Variants in SLC24A2 observed in about 807,000 individuals in gnomAD.
The protein encoded by SLC24A2 is solute carrier family 24 member 2.
A neutral mutation model predicts 62.0 loss-of-function variants in SLC24A2; 36 were observed. The observed-to-expected ratio is 0.58, with a 90% CI of 0.44 to 0.77. The LOEUF (loss-of-function observed/expected upper bound fraction) is 0.77, where lower values mean the gene tolerates loss of function less well. Ranked by LOEUF, SLC24A2 falls within the 30% of genes least tolerant of loss-of-function variation. The probability of loss-of-function intolerance (pLI) is 0.00; values close to 1 mark genes in which losing one functional copy is unlikely to be tolerated. For synonymous variants in SLC24A2, 358 were observed against 294.0 expected, an observed-to-expected ratio of 1.22 and a Z score of -2.23; for missense variants, 846 against 817.9, an observed-to-expected ratio of 1.03 and a Z score of -0.42.
intron 2 of SLC24A2, among the ~76,000 whole-genome samples, chr9:19,671,530 T>C (rs1242834745): frequency 4.6e-5 from 7 of 152,142 alleles, no homozygotes; most frequent in African/African-American, 1.2e-4. Flanking sequence ...TCTTTACCAA[T>C]TTGGATGCCC....
the SLC24A2 span, among the ~76,000 whole-genome samples, chr9:19,819,774 G>A: frequency 0.022 from 3,407 of 151,780 alleles, 137 homozygotes; most frequent in African/African-American, 0.078. Context: ...AACTAGTGCA[G>A]CCACTATGGA....
chr9:19,724,680 T>C lies in SLC24A2; in HGVS notation c.930+61257A>G, dbSNP rs1049825656. Among the ~76,000 whole-genome samples the C allele has an allele frequency of 2.6e-5, 4 of 152,206 alleles. No homozygotes were observed. In the South Asian group the frequency reaches 6.2e-4, roughly 24 times the overall value. Reference sequence around the variant, plus strand: ...CCAATCTAATTACCTCCAGTTGCTTTTAATTCCAATATACCCACATTATGA... The same window carrying C: ...CCAATCTAATTACCTCCAGTTGCTTCTAATTCCAATATACCCACATTATGA... On this transcript the variant is annotated intron_variant, in intron 2 of 10. Coordinates refer to ENST00000341998, the MANE Select transcript of SLC24A2 (RefSeq NM_020344.4).
the SLC24A2 span, among the ~76,000 whole-genome samples, chr9:20,088,223 C>G: frequency 6.6e-6 from 1 of 152,256 alleles, no homozygotes; most frequent in Non-Finnish European, 1.5e-5. Context: ...TCCATGGCAT[C>G]TCACAGGATA....
chr9:19,909,010 C>T, the SLC24A2 span, among the ~76,000 whole-genome samples: 1 of 152,122 alleles, frequency 6.6e-6, no homozygotes, highest in Non-Finnish European at 1.5e-5. Flanking sequence ...ATAAATCATG[C>T]TGCTATAAAG....
At chr9:19,699,815 T>C (rs1393640923) in intron 2 of SLC24A2, among the ~76,000 whole-genome samples, 2 of 152,092 alleles carry the variant, frequency 1.3e-5, no homozygotes, top group East Asian at 3.9e-4. Context: ...TAAAAGTAAG[T>C]CTTAAATTTT....
At chr9:20,154,916 G>A in the SLC24A2 span, among the ~76,000 whole-genome samples, 1 of 151,612 alleles carries the variant, frequency 6.6e-6, no homozygotes, top group Non-Finnish European at 1.5e-5. Flanking sequence ...TGGGAATGGG[G>A]CAAGTAAGGC....
At chr9:19,976,453 T>A in the SLC24A2 span, among the ~76,000 whole-genome samples, 6 of 152,172 alleles carry the variant, frequency 3.9e-5, no homozygotes, top group Non-Finnish European at 8.8e-5. Flanking sequence ...TCTCTTCTGC[T>A]CCACTATGGT....
the SLC24A2 span, among the ~76,000 whole-genome samples, chr9:20,191,111 AG>A: frequency 6.6e-6 from 1 of 151,808 alleles, no homozygotes. Flanking sequence ...TGAGTCACTT[AG>A]GGTCATAAAA....
intron 1 of SLC24A2, among the ~76,000 whole-genome samples, chr9:19,787,311 G>T (rs1823204777): frequency 2.0e-5 from 3 of 152,176 alleles, no homozygotes; most frequent in African/African-American, 7.2e-5. Flanking sequence ...AATGTTAGGT[G>T]CAGAGAAGGC....
At chr9:19,966,752 GTAGATA>G in the SLC24A2 span, among the ~76,000 whole-genome samples, 1 of 152,124 alleles carries the variant, frequency 6.6e-6, no homozygotes, top group Non-Finnish European at 1.5e-5. Flanking sequence ...CAAACAAAAA[GTAGATA>G]TACAATTAAC....
At chr9:19,530,386 T>C (rs770081930) in intron 8 of SLC24A2, among the ~76,000 whole-genome samples, 6 of 152,174 alleles carry the variant, frequency 3.9e-5, no homozygotes, top group Non-Finnish European at 8.8e-5. Context: ...CTACATGCCT[T>C]AAGGTGTGGC....
At chr9:19,861,565 T>G in the SLC24A2 span, among the ~76,000 whole-genome samples, 1 of 152,030 alleles carries the variant, frequency 6.6e-6, no homozygotes, top group African/African-American at 2.4e-5. Context: ...CAGGAAAACA[T>G]GACCTCATTA....
chr9:19,844,520 T>C, the SLC24A2 span, among the ~76,000 whole-genome samples: 2 of 152,158 alleles, frequency 1.3e-5, no homozygotes, highest in Non-Finnish European at 2.9e-5. Context: ...TTAGTTTAAT[T>C]AGGTTCCATT....
chr9:19,948,011 T>C, the SLC24A2 span, among the ~76,000 whole-genome samples: 3 of 152,188 alleles, frequency 2.0e-5, no homozygotes, highest in Non-Finnish European at 4.4e-5. Context: ...TCTTTTGCTT[T>C]TGTGCTTAAT....
At chr9:20,209,846 GA>G in the SLC24A2 span, among the ~76,000 whole-genome samples, 1 of 152,082 alleles carries the variant, frequency 6.6e-6, no homozygotes. Context: ...TAAAAAATAA[GA>G]AAGACTTTCA....
chr9:19,710,055 C>T (rs780590662), intron 2 of SLC24A2, among the ~76,000 whole-genome samples: 3 of 152,120 alleles, frequency 2.0e-5, no homozygotes, highest in Non-Finnish European at 4.4e-5. Context: ...ACCAGATTTC[C>T]TCCTCCCTAA....
At chr9:19,727,491 C>T (rs1023906825) in intron 2 of SLC24A2, among the ~76,000 whole-genome samples, 1 of 152,142 alleles carries the variant, frequency 6.6e-6, no homozygotes, top group Non-Finnish European at 1.5e-5. Context: ...TGTCTTCCCT[C>T]CCCTACAAGA....
At chr9:19,948,777 G>A in the SLC24A2 span, among the ~76,000 whole-genome samples, 2 of 149,552 alleles carry the variant, frequency 1.3e-5, no homozygotes, top group African/African-American at 4.9e-5. Flanking sequence ...CCCGGAAGGC[G>A]GAGCTTGCAG....
chr9:19,921,506 C>T, the SLC24A2 span, among the ~76,000 whole-genome samples: 11 of 120,590 alleles, frequency 9.1e-5, no homozygotes, highest in Non-Finnish European at 1.3e-4. Context: ...GGCGACAGAG[C>T]GAGACTCCGT....
Sources: allele counts gnomAD v4.1 joint callset (sites outside exome capture counted in the v4.1 genomes callset), GRCh38; gene constraint gnomAD v4.1.1; transcripts MANE v1.5; gene names NCBI Gene and HGNC (gene_info 2026-07-23, HGNC 2026-07-21).